Variants in SRGAP3 observed in about 807,000 individuals in gnomAD.
SRGAP3 encodes the protein SLIT-ROBO Rho GTPase activating protein 3.
Under a neutral mutation model 121.1 loss-of-function variants are expected in SRGAP3, and 39 were observed. The ratio of observed to expected loss-of-function variants is 0.32; its 90% CI spans 0.25 to 0.42. SRGAP3 has a LOEUF of 0.42. Ranked by LOEUF, SRGAP3 falls within the 10% of genes least tolerant of loss-of-function variation. The pLI is 1.00. For synonymous variants in SRGAP3, 601 were observed against 570.0 expected (o/e 1.05, Z -0.77); for missense variants, 1,213 against 1,470.6 (o/e 0.82, Z 2.86).
chr3:9,306,801 C>CA (rs935542802), intron 3 of SRGAP3, among the ~76,000 whole-genome samples: 33 of 151,664 alleles, frequency 2.2e-4, no homozygotes, highest in South Asian at 4.2e-4. Flanking sequence ...CTGGCTGCCA[C>CA]AAAAAAAAGT....
chr3:8,996,625 C>T (rs1209262558), intron 18 of SRGAP3, among the ~76,000 whole-genome samples: 1 of 152,226 alleles, frequency 6.6e-6, no homozygotes, highest in Non-Finnish European at 1.5e-5. Context: ...CAGATCTTGA[C>T]TCAGAGTCAC....
chr3:9,003,050 A>G (rs1485407329), intron 18 of SRGAP3, among the ~76,000 whole-genome samples: 1 of 152,232 alleles, frequency 6.6e-6, no homozygotes, highest in African/African-American at 2.4e-5. Flanking sequence ...TCCAAAAACT[A>G]GAAGAGAAGG....
intron 1 of SRGAP3, among the ~76,000 whole-genome samples, chr3:9,144,704 A>G (rs1949967170): frequency 6.6e-6 from 1 of 152,144 alleles, no homozygotes; most frequent in South Asian, 2.1e-4. Flanking sequence ...CATGATTCTG[A>G]GGCCTCCCCA....
intron 4 of SRGAP3, among the ~76,000 whole-genome samples, chr3:9,078,287 G>A (rs892426579): frequency 6.6e-6 from 1 of 152,060 alleles, no homozygotes; most frequent in Non-Finnish European, 1.5e-5. Flanking sequence ...GGACATTGGG[G>A]CTAAGTTGTT....
chr3:9,073,937 C>T (rs1019181600), intron 4 of SRGAP3, among the ~76,000 whole-genome samples: 71 of 152,254 alleles, frequency 4.7e-4, no homozygotes, highest in African/African-American at 1.5e-3. Context: ...TGAGATTATA[C>T]GGGGATGGAG....
At chr3:9,098,328 AT>A (rs1406143045) in intron 3 of SRGAP3, among the ~76,000 whole-genome samples, 1 of 152,164 alleles carries the variant, frequency 6.6e-6, no homozygotes, top group African/African-American at 2.4e-5. Flanking sequence ...ACCCAGTGCA[AT>A]GCAGTGATCA....
At chr3:9,044,736 C>T (rs982924044) in intron 10 of SRGAP3, among the ~76,000 whole-genome samples, 2 of 152,184 alleles carry the variant, frequency 1.3e-5, no homozygotes, top group African/African-American at 4.8e-5. Flanking sequence ...AATAGAAGAA[C>T]CAAAACGCTC....
chr3:9,201,296 C>T (rs1261992574), intron 1 of SRGAP3, among the ~76,000 whole-genome samples: 2 of 152,166 alleles, frequency 1.3e-5, no homozygotes, highest in Non-Finnish European at 2.9e-5. Flanking sequence ...ACTGTAAGCT[C>T]CTCCGACATC....
intron 1 of SRGAP3, among the ~76,000 whole-genome samples, chr3:9,182,680 G>A (rs1471978182): frequency 6.6e-6 from 1 of 151,914 alleles, no homozygotes; most frequent in African/African-American, 2.4e-5. Flanking sequence ...TAGAGACAGG[G>A]TCTTGCTCTA....
At chr3:9,056,197 A>G in intron 8 of SRGAP3, 36 bp downstream of exon 8, 1 of 1,609,834 alleles carries the variant, frequency 6.2e-7, no homozygotes, top group Non-Finnish European at 8.5e-7. Context: ...AGGCCTTCCA[A>G]AGAAAATCCC....
At chr3:9,262,218 T>A (rs939802147) in intron 3 of SRGAP3, among the ~76,000 whole-genome samples, 1 of 151,634 alleles carries the variant, frequency 6.6e-6, no homozygotes, top group Non-Finnish European at 1.5e-5. Context: ...AAACACTAAA[T>A]ATGGAAAGGA....
chr3:9,240,078 C>A (rs978914417), intron 1 of SRGAP3, among the ~76,000 whole-genome samples: 1 of 152,210 alleles, frequency 6.6e-6, no homozygotes, highest in African/African-American at 2.4e-5. Context: ...CTATTTCACA[C>A]TGTTTATTCT....
intron 1 of SRGAP3, among the ~76,000 whole-genome samples, chr3:9,137,029 T>C (rs927280484): frequency 2.6e-5 from 4 of 152,198 alleles, no homozygotes; most frequent in Non-Finnish European, 5.9e-5. Flanking sequence ...CTTCCCCGAA[T>C]TGTCTCCTTG....
chr3:9,013,534 G>A lies in SRGAP3; in HGVS notation c.1921C>T (p.Leu641Phe). 3.7e-6 allele frequency: 6 copies of A among 1,614,070 alleles called. No homozygotes were observed. Among genetic ancestry groups the A allele is most frequent in the Non-Finnish European group, 4.2e-6 (5 of 1,180,014 alleles). The change falls in exon 17 of 22, where the codon CTC becomes TTC. Residue 641 changes from leucine to phenylalanine, a missense_variant and splice_region_variant. Coordinates refer to ENST00000383836, the MANE Select transcript of SRGAP3 (RefSeq NM_014850.4). Reference sequence around the variant, plus strand: ...ATGTTCTCGTCGCTATACTGGGAGAGGCTAGGAGAGAGGAGTTACCCACAA... The same window carrying A: ...ATGTTCTCGTCGCTATACTGGGAGAAGCTAGGAGAGAGGAGTTACCCACAA... ...MRYLFAFLNH[L>F]SQYSDENMMD...
chr3:9,053,354 A>G, intron 8 of SRGAP3, 130 bp from the exon 9 acceptor site: 1 of 947,836 alleles, frequency 1.1e-6, no homozygotes, highest in Non-Finnish European at 1.6e-6. Flanking sequence ...AACAAAAATA[A>G]TCCTTCTCAC....
intron 2 of SRGAP3, among the ~76,000 whole-genome samples, chr3:9,123,854 G>A (rs1949119676): frequency 1.3e-5 from 2 of 151,572 alleles, no homozygotes; most frequent in South Asian, 4.2e-4. Context: ...ATCAGGTCAG[G>A]TGAGATAAAG....
At chr3:9,281,603 A>C (rs1453342470) in intron 3 of SRGAP3, among the ~76,000 whole-genome samples, 1 of 152,160 alleles carries the variant, frequency 6.6e-6, no homozygotes, top group Non-Finnish European at 1.5e-5. Flanking sequence ...TGTTGGTGTA[A>C]GAATAAACAA....
chr3:9,041,548 A>T (rs1292000497), intron 10 of SRGAP3, among the ~76,000 whole-genome samples: 7 of 152,240 alleles, frequency 4.6e-5, no homozygotes, highest in Admixed American at 3.3e-4. Flanking sequence ...GAGCTTGGAC[A>T]AGCCACTTCC....
chr3:9,084,231 G>A (rs1947361990), intron 3 of SRGAP3, among the ~76,000 whole-genome samples: 1 of 152,086 alleles, frequency 6.6e-6, no homozygotes, highest in African/African-American at 2.4e-5. Context: ...TTTCCTAAGA[G>A]AGCCATGAAT....
Sources: allele counts gnomAD v4.1 joint callset (sites outside exome capture counted in the v4.1 genomes callset), GRCh38; gene constraint gnomAD v4.1.1; transcripts MANE v1.5; gene names NCBI Gene and HGNC (gene_info 2026-07-23, HGNC 2026-07-21).